Variants in DNAH9 observed in about 807,000 individuals in gnomAD.
DNAH9 encodes the protein dynein axonemal heavy chain 9, also known as DNAH9 variant protein.
In DNAH9, 345 loss-of-function variants were observed where a neutral mutation model predicts 471.6. The ratio of observed to expected loss-of-function variants is 0.73; its 90% CI spans 0.67 to 0.80. The LOEUF is 0.80. Among genes scored for constraint, DNAH9 ranks in the 30% least tolerant of loss-of-function variants. The pLI is 0.00. For synonymous variants in DNAH9, 2,093 were observed against 2,123.6 expected (o/e 0.99, Z 0.40); for missense variants, 5,407 against 5,609.2 (o/e 0.96, Z 1.15).
intron 63 of DNAH9, among the ~76,000 whole-genome samples, chr17:11,931,807 A>ATC (rs1362015999): frequency 6.6e-6 from 1 of 152,118 alleles, no homozygotes; most frequent in Non-Finnish European, 1.5e-5. Context: ...AAACCCTATT[A>ATC]TCACCTGAAT....
intron 2 of DNAH9, 76 bp downstream of exon 2, chr17:11,608,401 C>A: frequency 8.4e-7 from 1 of 1,188,720 alleles, no homozygotes; most frequent in Non-Finnish European, 1.2e-6. Flanking sequence ...TTCCTTACAA[C>A]TTTTCTGTTC....
intron 23 of DNAH9, 79 bp from the exon 24 acceptor site, chr17:11,701,043 C>T (rs2074584466): frequency 1.3e-6 from 2 of 1,504,992 alleles, no homozygotes; most frequent in Admixed American, 1.7e-5. Context: ...TTCACTCCCT[C>T]AGACTGAGTG....
chr17:11,624,888 C>G (rs1325713806), intron 6 of DNAH9, among the ~76,000 whole-genome samples: 1 of 152,156 alleles, frequency 6.6e-6, no homozygotes, highest in Non-Finnish European at 1.5e-5. Flanking sequence ...AAGTAAGTTA[C>G]TCAGGTACAA....
intron 65 of DNAH9, 98 bp downstream of exon 65, chr17:11,934,169 G>C: frequency 7.5e-7 from 1 of 1,337,088 alleles, no homozygotes. Context: ...AGCCTCTGCT[G>C]GGACATCACC....
chr17:11,708,216 T>C (rs1483990989), intron 26 of DNAH9, among the ~76,000 whole-genome samples: 1 of 152,098 alleles, frequency 6.6e-6, no homozygotes, highest in African/African-American at 2.4e-5. Context: ...CAGCCCCTAG[T>C]AAGTGTTGAA....
At chr17:11,875,309 G>A (rs900870897) in intron 53 of DNAH9, 125 bp downstream of exon 53, 13 of 734,386 alleles carry the variant, frequency 1.8e-5, no homozygotes, top group Admixed American at 8.3e-5. Context: ...GGCTTCTCAC[G>A]TTTCTCCGTC....
intron 5 of DNAH9, among the ~76,000 whole-genome samples, chr17:11,618,496 G>C (rs1028869177): frequency 1.3e-5 from 2 of 150,962 alleles, no homozygotes; most frequent in African/African-American, 2.4e-5. Flanking sequence ...TGAGGCAGGA[G>C]AATCGCTTGA....
At chr17:11,803,090 G>A (rs527306544) in intron 43 of DNAH9, among the ~76,000 whole-genome samples, 1 of 152,314 alleles carries the variant, frequency 6.6e-6, no homozygotes, top group East Asian at 1.9e-4. Flanking sequence ...CAGTAAATAT[G>A]AAAGTCTTTT....
chr17:11,969,374 T>C lies in DNAH9; in HGVS notation c.13308T>C (p.Pro4436=). 1 of 1,614,074 alleles carries C rather than the reference T, an allele frequency of 6.2e-7. No individual in the cohort carries two copies. Among genetic ancestry groups the C allele is most frequent in the Non-Finnish European group, 8.5e-7 (1 of 1,179,998 alleles). The change falls in exon 69 of 69, where the codon CCT becomes CCC. Residue 4436 remains proline (P), a synonymous_variant. Coordinates refer to ENST00000262442, the MANE Select transcript of DNAH9 (RefSeq NM_001372.4). ...CTGTGATGTTCATCAAGGCCATTCC[T>C]GCAGATAAGCAGGACTGCCGCAGTG... ...PMPVMFIKAI[P]ADKQDCRSVY...
chr17:11,822,323 C>T lies in DNAH9; in HGVS notation c.8851-115C>T. On this transcript the variant is annotated intron_variant, in intron 46 of 68. Coordinates refer to ENST00000262442, the MANE Select transcript of DNAH9 (RefSeq NM_001372.4). ...TGGCTAGCATTTACAGATATTATCTCTGTTGGATGTGCTTCCCAATCTTCT... is the reference window on the plus strand; with the variant it reads ...TGGCTAGCATTTACAGATATTATCTTTGTTGGATGTGCTTCCCAATCTTCT... 3.1e-6 allele frequency: 4 copies of T among 1,287,618 alleles called. No individual in the cohort carries two copies. The South Asian group carries it at 4.1e-5, about 13-fold the overall frequency. 79.8% of individuals were successfully genotyped at this position (1,287,618 alleles called of 1,614,324 possible).
At chr17:11,839,313 G>A (rs538861048) in intron 49 of DNAH9, among the ~76,000 whole-genome samples, 8 of 151,662 alleles carry the variant, frequency 5.3e-5, no homozygotes, top group Non-Finnish European at 8.8e-5. Context: ...TCAGGAGATC[G>A]AGACCATCCT....
chr17:11,870,061 C>T lies in DNAH9; in HGVS notation c.10053+808C>T, dbSNP rs570619037. 6.6e-5 allele frequency among the ~76,000 whole-genome samples: 10 copies of T among 152,260 alleles called. No homozygotes were observed. The East Asian group carries it at 1.7e-3, about 26-fold the overall frequency. ...GGGCATTTCCACGCATTCCCTCTAG[C>T]AGGGTAGTCGGACGTCTTACACAGT... On this transcript the variant is annotated intron_variant, in intron 51 of 68. Coordinates refer to ENST00000262442, the MANE Select transcript of DNAH9 (RefSeq NM_001372.4).
At chr17:11,916,874 C>G (rs145793250) in intron 61 of DNAH9, among the ~76,000 whole-genome samples, 1 of 152,330 alleles carries the variant, frequency 6.6e-6, no homozygotes, top group East Asian at 1.9e-4. Context: ...CACAGACACA[C>G]AACATTCTGT....
At chr17:11,936,976 C>T (rs896804679) in intron 65 of DNAH9, among the ~76,000 whole-genome samples, 3 of 152,028 alleles carry the variant, frequency 2.0e-5, no homozygotes, top group Non-Finnish European at 2.9e-5. Flanking sequence ...GAAGAGCTTA[C>T]GTAAAATCAC....
chr17:11,751,733 A>C (rs1967157962), intron 32 of DNAH9, among the ~76,000 whole-genome samples: 1 of 152,084 alleles, frequency 6.6e-6, no homozygotes, highest in African/African-American at 2.4e-5. Context: ...AAAATGTAAT[A>C]GGACAAGAAA....
intron 43 of DNAH9, among the ~76,000 whole-genome samples, chr17:11,803,772 G>C (rs1172507082): frequency 6.6e-6 from 1 of 152,154 alleles, no homozygotes; most frequent in Non-Finnish European, 1.5e-5. Context: ...TAGGGCTGGG[G>C]GGTTGGGTGA....
chr17:11,693,569 AATG>A (rs1184395696), intron 20 of DNAH9, among the ~76,000 whole-genome samples: 2 of 152,178 alleles, frequency 1.3e-5, no homozygotes, highest in Non-Finnish European at 2.9e-5. Context: ...TAAATGCATT[AATG>A]AATATTTTAG....
chr17:11,687,473 AAAAC>A (rs2074259678), intron 19 of DNAH9, among the ~76,000 whole-genome samples: 2 of 152,200 alleles, frequency 1.3e-5, no homozygotes, highest in Non-Finnish European at 2.9e-5. Context: ...GGGCAGTTGA[AAAAC>A]AAGAGTTTGT....
At chr17:11,885,408 G>A (rs143993509) in intron 56 of DNAH9, among the ~76,000 whole-genome samples, 1 of 152,286 alleles carries the variant, frequency 6.6e-6, no homozygotes, top group African/African-American at 2.4e-5. Flanking sequence ...AAACCATGCT[G>A]GGAAAATTGG....
Sources: gnomAD v4.1 joint callset for allele counts (sites outside exome capture counted in the v4.1 genomes callset) on GRCh38, gnomAD v4.1.1 for gene constraint, MANE v1.5 for transcripts, NCBI Gene and HGNC (gene_info 2026-07-23, HGNC 2026-07-21) for gene names.